Variants in SCFD2 observed in about 807,000 individuals in gnomAD.
SCFD2 encodes sec1 family domain containing 2, also known as sec1 family domain-containing protein 2.
Under a neutral mutation model 58.9 loss-of-function variants are expected in SCFD2, and 54 were observed. That is an observed-to-expected ratio of 0.92 (90% CI 0.74 to 1.15). The LOEUF is 1.15. SCFD2 is among the 50% of genes most tolerant of loss of function. SCFD2 has a pLI of 0.00. For synonymous variants in SCFD2, 321 were observed against 335.9 expected, an observed-to-expected ratio of 0.96 and a Z score of 0.49; for missense variants, 805 against 836.6, an observed-to-expected ratio of 0.96 and a Z score of 0.47.
chr4:53,034,972 T>A (rs777583340), intron 5 of SCFD2, among the ~76,000 whole-genome samples: 2 of 152,276 alleles, frequency 1.3e-5, no homozygotes, highest in East Asian at 1.9e-4. Flanking sequence ...TGGAAAAAAC[T>A]ATTTTAAACT....
At chr4:53,196,732 A>G (rs1728069580) in intron 4 of SCFD2, among the ~76,000 whole-genome samples, 1 of 152,094 alleles carries the variant, frequency 6.6e-6, no homozygotes, top group Admixed American at 6.6e-5. Context: ...TCGTTAAAGC[A>G]ATATCCATAA....
At chr4:53,238,356 G>A (rs1324021491) in intron 4 of SCFD2, among the ~76,000 whole-genome samples, 2 of 101,104 alleles carry the variant, frequency 2.0e-5, no homozygotes, top group Non-Finnish European at 4.2e-5. Context: ...GGCGGGGGCT[G>A]ATGCCCCCAC....
chr4:53,214,482 G>T (rs931340832), intron 4 of SCFD2, among the ~76,000 whole-genome samples: 2 of 151,796 alleles, frequency 1.3e-5, no homozygotes, highest in East Asian at 1.9e-4. Context: ...TCATATCCTT[G>T]GCCCACTTTT....
intron 5 of SCFD2, among the ~76,000 whole-genome samples, chr4:52,979,074 G>GGA (rs1560500280): frequency 6.7e-6 from 1 of 149,382 alleles, no homozygotes; most frequent in Admixed American, 6.7e-5. Context: ...TTGGGGGGGG[G>GGA]AGTAGTTAAG....
chr4:53,196,382 G>A lies in SCFD2; in HGVS notation c.1312-50800C>T, dbSNP rs142360529. On this transcript the variant is annotated intron_variant, in intron 4 of 8. Transcript: ENST00000401642. Reference sequence around the variant, plus strand: ...AGCTCTTCAAGAGATTTCGATAAAGGTTTCCTTCCTACTTGCAGTCCACAT... The same window carrying A: ...AGCTCTTCAAGAGATTTCGATAAAGATTTCCTTCCTACTTGCAGTCCACAT... Among the ~76,000 whole-genome samples, 528 of 152,196 alleles carry A rather than the reference G, an allele frequency of 3.5e-3. 2 individuals carry two copies. The highest frequency in any genetic ancestry group is 0.012 in the African/African-American group (489 of 41,530).
intron 4 of SCFD2, among the ~76,000 whole-genome samples, chr4:53,222,558 T>TA (rs1215505350): frequency 6.6e-6 from 1 of 152,230 alleles, no homozygotes; most frequent in African/African-American, 2.4e-5. Flanking sequence ...ATGACAGTTC[T>TA]AGGGAAAACA....
chr4:53,259,028 G>A (rs1474553729), intron 4 of SCFD2, among the ~76,000 whole-genome samples: 3 of 151,956 alleles, frequency 2.0e-5, no homozygotes, highest in Non-Finnish European at 4.4e-5. Flanking sequence ...ATCTTCTTTT[G>A]AGAATTGTCT....
At chr4:53,034,050 T>C (rs1432232214) in intron 5 of SCFD2, among the ~76,000 whole-genome samples, 2 of 152,150 alleles carry the variant, frequency 1.3e-5, no homozygotes, top group East Asian at 1.9e-4. Flanking sequence ...TGAACATCGA[T>C]GCGAAAATCC....
In SCFD2 at chr4:53,253,565, A is replaced by C. The variant is rs557520040; in HGVS notation, c.1311+20261T>G. The stretch of plus-strand genomic sequence containing the variant: ...CATGGAATACTATGTAGCCATAAAA[A>C]ATGATGAGTTCATGTCCTTTGTAGG... On this transcript the variant is annotated intron_variant, in intron 4 of 8. Coordinates refer to ENST00000401642, the MANE Select transcript of SCFD2 (RefSeq NM_152540.4). Among the ~76,000 whole-genome samples, 1,391 of 152,216 alleles carry C rather than the reference A, an allele frequency of 9.1e-3. 8 individuals carry two copies. The highest frequency in any genetic ancestry group is 0.034 in the Middle Eastern group (10 of 294).
chr4:53,227,541 T>C (rs1004039295), intron 4 of SCFD2, among the ~76,000 whole-genome samples: 3 of 152,134 alleles, frequency 2.0e-5, no homozygotes, highest in African/African-American at 4.8e-5. Context: ...CAATACAAAG[T>C]CTTTGCATGA....
intron 5 of SCFD2, among the ~76,000 whole-genome samples, chr4:53,048,453 A>G (rs1254491135): frequency 1.3e-5 from 2 of 151,744 alleles, no homozygotes; most frequent in Non-Finnish European, 2.9e-5. Flanking sequence ...AAAAATGAAG[A>G]TACTAGGTGT....
At chr4:53,140,685 C>G (rs1033836358) in intron 5 of SCFD2, among the ~76,000 whole-genome samples, 1 of 151,872 alleles carries the variant, frequency 6.6e-6, no homozygotes, top group African/African-American at 2.4e-5. Context: ...GTTCAGAATA[C>G]AAGAACATAA....
intron 5 of SCFD2, among the ~76,000 whole-genome samples, chr4:53,047,719 A>G (rs1723077951): frequency 6.6e-6 from 1 of 152,204 alleles, no homozygotes. Flanking sequence ...GTTTCTATCC[A>G]AAGAAAGCCA....
chr4:53,325,334 T>G (rs576618484), intron 2 of SCFD2, among the ~76,000 whole-genome samples: 3 of 151,648 alleles, frequency 2.0e-5, no homozygotes, highest in South Asian at 2.1e-4. Flanking sequence ...AAAATGCACT[T>G]GAGAGCCATG....
At chr4:52,994,771 C>G (rs972630100) in intron 5 of SCFD2, among the ~76,000 whole-genome samples, 1 of 152,140 alleles carries the variant, frequency 6.6e-6, no homozygotes, top group Non-Finnish European at 1.5e-5. Context: ...CAAAAACATT[C>G]CCTCATTAAC....
intron 5 of SCFD2, among the ~76,000 whole-genome samples, chr4:53,082,830 T>C (rs1724187373): frequency 2.0e-5 from 3 of 152,146 alleles, no homozygotes; most frequent in Admixed American, 2.0e-4. Flanking sequence ...ACTTACACCA[T>C]TGACTTTCCT....
intron 4 of SCFD2, among the ~76,000 whole-genome samples, chr4:53,198,675 G>GTGTGTGTGCA (rs145267691): frequency 0.065 from 9,912 of 151,950 alleles, 351 homozygotes; most frequent in Middle Eastern, 0.11. Context: ...GTGAATGTGT[G>GTGTGTGTGCA]TGTGTGTGCA....
chr4:53,091,003 C>G (rs1038520797), intron 5 of SCFD2, among the ~76,000 whole-genome samples: 2 of 152,176 alleles, frequency 1.3e-5, no homozygotes, highest in African/African-American at 4.8e-5. Context: ...CTCACAGATT[C>G]ATCACATGAC....
intron 6 of SCFD2, among the ~76,000 whole-genome samples, chr4:52,918,394 G>A (rs189967406): frequency 3.3e-5 from 5 of 152,220 alleles, no homozygotes; most frequent in Admixed American, 3.3e-4. Context: ...TGTGACAGAT[G>A]CCACTCTAGG....
Sources: gnomAD v4.1 joint callset for allele counts (sites outside exome capture counted in the v4.1 genomes callset) on GRCh38, gnomAD v4.1.1 for gene constraint, MANE v1.5 for transcripts, NCBI Gene and HGNC (gene_info 2026-07-23, HGNC 2026-07-21) for gene names.